The following NSD1 variants were observed in gnomAD, a reference collection of about 807,000 sequenced individuals.
NSD1 encodes the protein histone-lysine N-methyltransferase, H3 lysine-36 specific.
A neutral mutation model predicts 242.7 loss-of-function variants in NSD1; 26 were observed. The ratio of observed to expected loss-of-function variants is 0.11; its 90% CI spans 0.08 to 0.15. The LOEUF is 0.15. Among genes scored for constraint, NSD1 ranks in the 10% least tolerant of loss-of-function variants. The pLI is 1.00. For missense variants in NSD1, 2,495 were observed against 3,272.8 expected (o/e 0.76, Z 5.80); for synonymous variants, 1,106 against 1,178.1 (o/e 0.94, Z 1.25).
chr5:177,293,646 A>G (rs1349425894), intron 22 of NSD1, among the ~76,000 whole-genome samples, 186 bp from the exon 23 acceptor site: 2 of 148,006 alleles, frequency 1.4e-5, no homozygotes, highest in African/African-American at 2.5e-5. Flanking sequence ...TACTTTATGT[A>G]TTCTGTGCAC....
rs766845666 is a variant in NSD1, at chr5:177,294,411, AACC to A, written c.7046_7048del (p.Pro2349del). The A allele has an allele frequency of 1.4e-5, 23 of 1,614,110 alleles. No individual in the cohort carries two copies. In the South Asian group the frequency reaches 2.5e-4, roughly 18 times the overall value. ...AGCTCCTCACCCTCAGTCAGGTCCCAACCACTGGAAAGACCTCTGGGGACGGCT... is the reference window on the plus strand; with the variant it reads ...AGCTCCTCACCCTCAGTCAGGTCCCAACTGGAAAGACCTCTGGGGACGGCT... On this transcript the variant is annotated inframe_deletion, in exon 23 of 23. Transcript: ENST00000439151.
chr5:177,236,764 A>G (rs988938032), intron 6 of NSD1, among the ~76,000 whole-genome samples: 1 of 152,222 alleles, frequency 6.6e-6, no homozygotes, highest in Non-Finnish European at 1.5e-5. Context: ...ACTATATCAG[A>G]GATGATAATG....
At chr5:177,150,720 C>T (rs1757634149) in intron 2 of NSD1, among the ~76,000 whole-genome samples, 1 of 152,192 alleles carries the variant, frequency 6.6e-6, no homozygotes, top group Admixed American at 6.6e-5. Context: ...TATTCCCTCA[C>T]ATACCAGAGT....
chr5:177,161,355 A>G (rs1488117173), intron 2 of NSD1, among the ~76,000 whole-genome samples: 1 of 151,876 alleles, frequency 6.6e-6, no homozygotes, highest in South Asian at 2.1e-4. Context: ...AGCCTGGGTG[A>G]CAGAGTGAGA....
Position 177,266,364 on chromosome 5 carries a change from G to C in NSD1, c.5147-1198G>C, listed in dbSNP as rs1012886254. 1.8e-5 allele frequency: 12 copies of C among 685,476 alleles called. No individual in the cohort carries two copies. The African/African-American group carries it at 2.1e-4, about 12-fold the overall frequency. The allele number at this position is 685,476 out of a possible 1,614,324, so 42.5% of individuals were successfully genotyped here. A position where few individuals can be genotyped will look rare whatever the true frequency, so the allele number is the denominator to read the frequency against. ...TCGATGCCGATGACCTTGCGGGCCC[G>C]GCCTTGGCGGCGAACATGCAGAGGA... On this transcript the variant is annotated intron_variant, in intron 14 of 22. Coordinates refer to ENST00000439151, the MANE Select transcript of NSD1 (RefSeq NM_022455.5).
intron 2 of NSD1, among the ~76,000 whole-genome samples, chr5:177,190,977 T>C (rs1296828263): frequency 3.6e-5 from 5 of 140,172 alleles, no homozygotes; most frequent in Non-Finnish European, 7.5e-5. Context: ...TTTTTTTTTT[T>C]TTTCTTTTTT....
At chr5:177,207,032 G>A (rs1385578218) in intron 4 of NSD1, among the ~76,000 whole-genome samples, 1 of 152,000 alleles carries the variant, frequency 6.6e-6, no homozygotes, top group Non-Finnish European at 1.5e-5. Context: ...TGCCTCCTGG[G>A]TTCAAGCAAT....
chr5:177,140,361 G>T (rs451958), intron 2 of NSD1, among the ~76,000 whole-genome samples: 1 of 152,164 alleles, frequency 6.6e-6, no homozygotes, highest in South Asian at 2.1e-4. Flanking sequence ...ATGTAGTCAG[G>T]TAATGGGGCC....
chr5:177,217,843 T>C (rs1253121996), intron 5 of NSD1, among the ~76,000 whole-genome samples: 1 of 152,026 alleles, frequency 6.6e-6, no homozygotes, highest in East Asian at 1.9e-4. Flanking sequence ...AATTTTTTTG[T>C]ATTTTTAGTG....
chr5:177,271,105 CAG>C (rs919157188), intron 16 of NSD1, among the ~76,000 whole-genome samples: 7 of 152,072 alleles, frequency 4.6e-5, no homozygotes, highest in East Asian at 1.9e-4. Context: ...CTGCCTTAAT[CAG>C]GGGGTTTCTA....
intron 3 of NSD1, among the ~76,000 whole-genome samples, chr5:177,201,221 G>GT (rs1414798076): frequency 6.6e-6 from 1 of 150,764 alleles, no homozygotes; most frequent in East Asian, 2.0e-4. Flanking sequence ...TTTTTTATTT[G>GT]TTTTTTGAGA....
rs1362435462 is a variant in NSD1 at position 177,294,152 on chromosome 5, C to T, written c.6784C>T (p.Leu2262=). 1.2e-6 allele frequency: 2 copies of T among 1,614,206 alleles called. No homozygotes were observed. The highest frequency in any genetic ancestry group is 4.5e-5 in the East Asian group (2 of 44,890). ...DKPPADTNQM[L]SLSKKALAGT... The stretch of plus-strand genomic sequence containing the variant: ...ACCTCCTGCTGACACCAACCAGATG[C>T]TGTCGCTCTCCAAAAAAGCTCTGGC... Residue 2262 remains leucine (L), a synonymous_variant, in exon 23 of 23, where the codon CTG becomes TTG. Coordinates refer to ENST00000439151, the MANE Select transcript of NSD1 (RefSeq NM_022455.5).
chr5:177,281,386 A>G (rs1215490006), intron 18 of NSD1, among the ~76,000 whole-genome samples: 1 of 149,634 alleles, frequency 6.7e-6, no homozygotes, highest in Non-Finnish European at 1.5e-5. Flanking sequence ...TTTCTGAAGA[A>G]TTTTATTGGT....
chr5:177,246,579 A>T, intron 9 of NSD1, 99 bp from the exon 10 acceptor site: 2 of 820,218 alleles, frequency 2.4e-6, no homozygotes, highest in Non-Finnish European at 4.3e-6. Flanking sequence ...CTGGAGAATT[A>T]AATGAGTTTT....
At chr5:177,164,348 G>T (rs1465746812) in intron 2 of NSD1, among the ~76,000 whole-genome samples, 1 of 151,700 alleles carries the variant, frequency 6.6e-6, no homozygotes, top group African/African-American at 2.4e-5. Flanking sequence ...GTAGAGACAG[G>T]GTTTCACCAT....
intron 14 of NSD1, chr5:177,266,614 G>A (rs1005402491): frequency 6.5e-6 from 4 of 611,714 alleles, no homozygotes; most frequent in East Asian, 8.2e-5. Context: ...CTCCTCTTCC[G>A]GCCGCCAAGA....
rs768876255 is a variant in NSD1, at chr5:177,135,571, T to C, written c.468T>C (p.Phe156=). 3 of 1,614,226 alleles carry C rather than the reference T, an allele frequency of 1.9e-6. No homozygotes were observed. Residue 156 remains phenylalanine (F), a synonymous_variant, in exon 2 of 23, where the codon TTT becomes TTC. Coordinates refer to ENST00000439151, the MANE Select transcript of NSD1 (RefSeq NM_022455.5). ...ATGGCTTTCTGCACTTTGAGAATTT[T>C]ACTTGTGTGGACGATGCAGATGTAG... ...IKNGFLHFEN[F]TCVDDADVDS...
At chr5:177,281,443 A>C (rs1390894750) in intron 18 of NSD1, among the ~76,000 whole-genome samples, 2 of 151,524 alleles carry the variant, frequency 1.3e-5, no homozygotes, top group African/African-American at 2.4e-5. Context: ...TCATTTGCTA[A>C]GTAGTTATTT....
In NSD1 at chr5:177,296,687, C is replaced by T. The variant is rs894404176; in HGVS notation, c.*1228C>T. 1 of 233,370 alleles carries T rather than the reference C, an allele frequency of 4.3e-6. No individual in the cohort carries two copies. Among genetic ancestry groups the T allele is most frequent in the South Asian group, 1.8e-4 (1 of 5,526 alleles). The allele number at this position is 233,370 out of a possible 1,614,324, so 14.5% of individuals were successfully genotyped here. Reference sequence around the variant, plus strand: ...TGGCAAGAGGTGGTGTTTAGAGCAACGTCCAGGCTAAGAGATGACTCCTAT... The same window carrying T: ...TGGCAAGAGGTGGTGTTTAGAGCAATGTCCAGGCTAAGAGATGACTCCTAT... On this transcript the variant is annotated 3_prime_UTR_variant, in exon 23 of 23. Coordinates refer to ENST00000439151, the MANE Select transcript of NSD1 (RefSeq NM_022455.5).
Sources: gnomAD v4.1 joint callset for allele counts (sites outside exome capture counted in the v4.1 genomes callset) on GRCh38, gnomAD v4.1.1 for gene constraint, MANE v1.5 for transcripts, NCBI Gene and HGNC (gene_info 2026-07-23, HGNC 2026-07-21) for gene names.